NRG1: variants seen among roughly 807,000 people sequenced by gnomAD.
The protein encoded by NRG1 is neuregulin 1, also known as pro-neuregulin-1, membrane-bound isoform.
Under a neutral mutation model 63.8 loss-of-function variants are expected in NRG1, and 18 were observed. That is an observed-to-expected ratio of 0.28 (90% confidence interval 0.19 to 0.42). NRG1 has a LOEUF of 0.42. NRG1 is among the 10% of genes least tolerant of loss of function. The probability of loss-of-function intolerance (pLI) is 1.00; values close to 1 mark genes in which losing one functional copy is unlikely to be tolerated. For missense variants in NRG1, 762 were observed against 814.7 expected, an observed-to-expected ratio of 0.94 and a Z score of 0.79; for synonymous variants, 302 against 301.3, an observed-to-expected ratio of 1.00 and a Z score of -0.02.
chr8:32,474,449 AGACCCTAC>A (rs1824227879), intron 1 of NRG1, among the ~76,000 whole-genome samples: 1 of 151,078 alleles, frequency 6.6e-6, no homozygotes, highest in Non-Finnish European at 1.5e-5. Flanking sequence ...AGGGTCCTGA[AGACCCTAC>A]CTCTGGTTCT....
chr8:31,887,770 C>A (rs1563528451), intron 1 of NRG1, among the ~76,000 whole-genome samples: 2 of 151,958 alleles, frequency 1.3e-5, no homozygotes, highest in African/African-American at 2.4e-5. Flanking sequence ...AGAATGTTAA[C>A]CAGCTATTCT....
chr8:31,821,756 T>C (rs1393204443), intron 1 of NRG1, among the ~76,000 whole-genome samples: 1 of 152,106 alleles, frequency 6.6e-6, no homozygotes, highest in East Asian at 1.9e-4. Flanking sequence ...CACACTTATG[T>C]CATTTTTATG....
At chr8:31,963,995 T>C (rs1359216046) in intron 1 of NRG1, among the ~76,000 whole-genome samples, 1 of 152,176 alleles carries the variant, frequency 6.6e-6, no homozygotes, top group Admixed American at 6.5e-5. Flanking sequence ...AACCTACATA[T>C]TCTCTTCCCT....
intron 1 of NRG1, among the ~76,000 whole-genome samples, chr8:32,350,248 T>A (rs1805431965): frequency 6.6e-6 from 1 of 152,212 alleles, no homozygotes; most frequent in Non-Finnish European, 1.5e-5. Context: ...AATATCCTTC[T>A]TGCTTGAACT....
At chr8:32,285,548 C>G (rs1853423819) in intron 1 of NRG1, among the ~76,000 whole-genome samples, 1 of 152,182 alleles carries the variant, frequency 6.6e-6, no homozygotes, top group Non-Finnish European at 1.5e-5. Context: ...CAGTCTAGTG[C>G]TCCTTTCCCT....
intron 1 of NRG1, among the ~76,000 whole-genome samples, chr8:32,309,956 G>A (rs1856631291): frequency 6.6e-6 from 1 of 152,232 alleles, no homozygotes; most frequent in African/African-American, 2.4e-5. Flanking sequence ...AGGCGTGTTA[G>A]ATTTCCAGAC....
chr8:32,120,622 AGTTTTTT>A (rs1171012256), intron 1 of NRG1, among the ~76,000 whole-genome samples: 1 of 152,038 alleles, frequency 6.6e-6, no homozygotes, highest in Non-Finnish European at 1.5e-5. Flanking sequence ...TCTAGAAAGA[AGTTTTTT>A]TTATTATTAT....
intron 1 of NRG1, among the ~76,000 whole-genome samples, chr8:31,761,012 T>C (rs1342959046): frequency 3.3e-5 from 5 of 152,194 alleles, no homozygotes; most frequent in African/African-American, 9.7e-5. Context: ...CGTATGTTTA[T>C]TGCGGCACTA....
At chr8:31,875,899 G>T (rs1829875787) in intron 1 of NRG1, among the ~76,000 whole-genome samples, 1 of 152,088 alleles carries the variant, frequency 6.6e-6, no homozygotes, top group Non-Finnish European at 1.5e-5. Context: ...TGTGTTTCCG[G>T]GAGAAGCAGA....
At chr8:32,232,702 A>G (rs114923251) in intron 1 of NRG1, among the ~76,000 whole-genome samples, 2,326 of 152,236 alleles carry the variant, frequency 0.015, 73 homozygotes, top group African/African-American at 0.053. Flanking sequence ...TTTTTATCCC[A>G]GGCTTTTAGC....
intron 1 of NRG1, among the ~76,000 whole-genome samples, chr8:32,060,443 A>G (rs1286180276): frequency 1.3e-5 from 2 of 152,042 alleles, no homozygotes; most frequent in East Asian, 3.9e-4. Flanking sequence ...TGCTATTCCC[A>G]GATGCCAACA....
At chr8:32,712,139 T>C (rs1170750109) in intron 5 of NRG1, among the ~76,000 whole-genome samples, 1 of 152,180 alleles carries the variant, frequency 6.6e-6, no homozygotes, top group African/African-American at 2.4e-5. Context: ...AAACAGTATT[T>C]TCTAGACATC....
Position 32,416,995 on chromosome 8 carries a change from G to A in NRG1, c.38-178833G>A, listed in dbSNP as rs145996653. ...GTCACTGTGCTTGGCGTTTTAACCA[G>A]CCTGCCAGATGATTCTGAATTTGAA... On this transcript the variant is annotated intron_variant, in intron 1 of 10. Transcript: ENST00000519301. 2.8e-3 allele frequency among the ~76,000 whole-genome samples: 427 copies of A among 152,214 alleles called. 2 individuals carry two copies. Among genetic ancestry groups the A allele is most frequent in the Non-Finnish European group, 3.3e-3 (222 of 68,016 alleles).
intron 1 of NRG1, among the ~76,000 whole-genome samples, chr8:32,528,394 T>C (rs1234383239): frequency 6.6e-6 from 1 of 152,178 alleles, no homozygotes. Context: ...GCACCAGTTG[T>C]TGGACAGGAT....
At chr8:31,990,684 C>G (rs1015265398) in intron 1 of NRG1, among the ~76,000 whole-genome samples, 1 of 152,116 alleles carries the variant, frequency 6.6e-6, no homozygotes, top group Non-Finnish European at 1.5e-5. Context: ...CTCTGCTAAA[C>G]CATATGACAT....
At chr8:32,157,282 T>A (rs1157449810) in intron 1 of NRG1, among the ~76,000 whole-genome samples, 1 of 149,504 alleles carries the variant, frequency 6.7e-6, no homozygotes, top group African/African-American at 2.5e-5. Flanking sequence ...TGAGAATCAC[T>A]TGAACCTGGG....
chr8:32,571,536 T>C (rs1234107489), intron 1 of NRG1, among the ~76,000 whole-genome samples: 1 of 152,134 alleles, frequency 6.6e-6, no homozygotes, highest in East Asian at 1.9e-4. Context: ...TCAGCCTTCA[T>C]GTACGAATTT....
intron 1 of NRG1, among the ~76,000 whole-genome samples, chr8:31,727,078 TTATC>T (rs1166930469): frequency 6.6e-6 from 1 of 152,114 alleles, no homozygotes; most frequent in Non-Finnish European, 1.5e-5. Context: ...CAAGGAGTAT[TTATC>T]TGTTTCTTAA....
At chr8:31,940,936 G>T (rs1434677712) in intron 1 of NRG1, among the ~76,000 whole-genome samples, 1 of 151,986 alleles carries the variant, frequency 6.6e-6, no homozygotes, top group Non-Finnish European at 1.5e-5. Flanking sequence ...AAAAGTCCAG[G>T]ACCAGATGGA....
Sources: gnomAD v4.1 joint callset for allele counts (sites outside exome capture counted in the v4.1 genomes callset) on GRCh38, gnomAD v4.1.1 for gene constraint, MANE v1.5 for transcripts, NCBI Gene and HGNC (gene_info 2026-07-23, HGNC 2026-07-21) for gene names.